INPP4B: variants seen among roughly 807,000 people sequenced by gnomAD.
INPP4B encodes the protein inositol polyphosphate 4-phosphatase type II.
In INPP4B, 55 loss-of-function variants were observed where a neutral mutation model predicts 122.5. That is an observed-to-expected ratio of 0.45 (90% CI 0.36 to 0.56). The LOEUF is 0.56. Ranked by LOEUF, INPP4B falls within the 20% of genes least tolerant of loss-of-function variation. INPP4B has a pLI of 0.00. For missense variants in INPP4B, 1,000 were observed against 1,097.7 expected, an observed-to-expected ratio of 0.91 and a Z score of 1.26; for synonymous variants, 403 against 388.7, an observed-to-expected ratio of 1.04 and a Z score of -0.43.
chr4:142,413,966 A>G (rs1339659124), intron 5 of INPP4B, among the ~76,000 whole-genome samples: 1 of 152,114 alleles, frequency 6.6e-6, no homozygotes, highest in Admixed American at 6.6e-5. Flanking sequence ...ATCTAATACC[A>G]TGGGGAGAAA....
At chr4:142,315,546 C>G (rs1455187401) in intron 7 of INPP4B, among the ~76,000 whole-genome samples, 1 of 151,956 alleles carries the variant, frequency 6.6e-6, no homozygotes. Flanking sequence ...CCCTTTCAAA[C>G]TCTTGGTGCG....
chr4:142,245,159 A>T (rs1164762649), intron 11 of INPP4B, among the ~76,000 whole-genome samples: 2 of 151,948 alleles, frequency 1.3e-5, no homozygotes, highest in Non-Finnish European at 2.9e-5. Flanking sequence ...ATTTTCTCCC[A>T]TTCTTTAGGT....
intron 3 of INPP4B, among the ~76,000 whole-genome samples, chr4:142,441,861 T>C (rs1401587061): frequency 6.7e-6 from 1 of 148,672 alleles, no homozygotes; most frequent in African/African-American, 2.5e-5. Flanking sequence ...CACATTTAAA[T>C]GCTGAAGTAA....
At chr4:142,369,173 T>G (rs1788762571) in intron 7 of INPP4B, among the ~76,000 whole-genome samples, 1 of 152,148 alleles carries the variant, frequency 6.6e-6, no homozygotes, top group African/African-American at 2.4e-5. Flanking sequence ...GGGTTTTGAT[T>G]GTTCTCTTTG....
chr4:142,118,182 T>C (rs573223449), intron 21 of INPP4B, among the ~76,000 whole-genome samples: 6 of 152,136 alleles, frequency 3.9e-5, no homozygotes, highest in Non-Finnish European at 8.8e-5. Flanking sequence ...CGCTCATGCA[T>C]AGGAAGAACC....
At chr4:142,534,451 C>A (rs1827956307) in intron 2 of INPP4B, among the ~76,000 whole-genome samples, 1 of 152,034 alleles carries the variant, frequency 6.6e-6, no homozygotes, top group African/African-American at 2.4e-5. Flanking sequence ...CACCTTCTGC[C>A]ATGTAAGGAC....
chr4:142,770,270 T>C (rs779889655), intron 1 of INPP4B, among the ~76,000 whole-genome samples: 1 of 152,164 alleles, frequency 6.6e-6, no homozygotes, highest in African/African-American at 2.4e-5. Flanking sequence ...GCCATCAACC[T>C]TGGTCCAATA....
chr4:142,732,647 C>A (rs1345539527), intron 1 of INPP4B, among the ~76,000 whole-genome samples: 2 of 151,728 alleles, frequency 1.3e-5, no homozygotes, highest in Non-Finnish European at 2.9e-5. Context: ...GATATCTACA[C>A]CAAAAATCTA....
At chr4:142,052,060 G>GAAAT (rs2152396034) in intron 25 of INPP4B, among the ~76,000 whole-genome samples, 1 of 152,040 alleles carries the variant, frequency 6.6e-6, no homozygotes, top group South Asian at 2.1e-4. Flanking sequence ...ACATTAGACT[G>GAAAT]AAATAAAATG....
chr4:142,124,577 C>G lies in INPP4B; in HGVS notation c.1893+11G>C. 1 of 1,611,912 alleles carries G rather than the reference C, an allele frequency of 6.2e-7. No homozygotes were observed. Among genetic ancestry groups the G allele is most frequent in the East Asian group, 2.2e-5 (1 of 44,822 alleles). ...CATTGTTTTGTACTAACAATAACAA[C>G]AGGCACCTACTGCTTGGCTGAAGAC... On this transcript the variant is annotated intron_variant, in intron 19 of 25. Coordinates refer to ENST00000262992, the MANE Select transcript of INPP4B (RefSeq NM_001101669.3).
chr4:142,077,814 G>A (rs1310787902), intron 25 of INPP4B, among the ~76,000 whole-genome samples: 9 of 151,816 alleles, frequency 5.9e-5, no homozygotes, highest in Admixed American at 2.6e-4. Flanking sequence ...GACATACCAG[G>A]TTTATAGTCT....
At chr4:142,696,169 C>T (rs11937786) in intron 2 of INPP4B, among the ~76,000 whole-genome samples, 1 of 151,932 alleles carries the variant, frequency 6.6e-6, no homozygotes, top group Non-Finnish European at 1.5e-5. Context: ...CCAGCATATT[C>T]GATGGATTAA....
chr4:142,590,558 G>A (rs1737208867), intron 2 of INPP4B, among the ~76,000 whole-genome samples: 1 of 152,102 alleles, frequency 6.6e-6, no homozygotes. Flanking sequence ...ACATATGTTG[G>A]AAGCCAGATT....
rs73850889 is a variant in INPP4B, at chr4:142,459,225, G to A, written c.-127+3438C>T. ...ATATTATGTGGCTTGACTTTCACTG[G>A]CTGTGTTTCAGGCTCAGTTTTCACA... On this transcript the variant is annotated intron_variant, in intron 3 of 25. Transcript: ENST00000262992. Among the ~76,000 whole-genome samples, 654 of 151,524 alleles carry A rather than the reference G, an allele frequency of 4.3e-3. 6 individuals carry two copies. The highest frequency in any genetic ancestry group is 0.015 in the African/African-American group (601 of 41,258).
intron 12 of INPP4B, among the ~76,000 whole-genome samples, chr4:142,222,245 C>T (rs1192491176): frequency 6.6e-6 from 1 of 152,218 alleles, no homozygotes; most frequent in African/African-American, 2.4e-5. Flanking sequence ...TAGGCATGAG[C>T]CACCATGCCC....
intron 16 of INPP4B, among the ~76,000 whole-genome samples, chr4:142,165,137 A>T (rs1822094693): frequency 2.0e-5 from 3 of 151,728 alleles, no homozygotes; most frequent in Admixed American, 2.0e-4. Flanking sequence ...TTCATTGCAA[A>T]GCCCTTAGAG....
At chr4:142,064,904 T>C (rs1412469104) in intron 25 of INPP4B, among the ~76,000 whole-genome samples, 1 of 152,156 alleles carries the variant, frequency 6.6e-6, no homozygotes, top group Non-Finnish European at 1.5e-5. Flanking sequence ...CACAATTTTC[T>C]CAAATAGTTG....
chr4:142,771,938 A>G (rs886839590), intron 1 of INPP4B, among the ~76,000 whole-genome samples: 16 of 152,182 alleles, frequency 1.1e-4, no homozygotes, highest in Non-Finnish European at 2.4e-4. Context: ...ACTTGAAGAA[A>G]AACAGATTTG....
chr4:142,423,328 C>A (rs1398557061), intron 5 of INPP4B, among the ~76,000 whole-genome samples: 1 of 152,052 alleles, frequency 6.6e-6, no homozygotes, highest in Non-Finnish European at 1.5e-5. Context: ...AGTGATGAGA[C>A]ATTTTCTTGT....
Sources: gnomAD v4.1 joint callset for allele counts (sites outside exome capture counted in the v4.1 genomes callset) on GRCh38, gnomAD v4.1.1 for gene constraint, MANE v1.5 for transcripts, NCBI Gene and HGNC (gene_info 2026-07-23, HGNC 2026-07-21) for gene names.